SCTR: variants seen among roughly 807,000 people sequenced by gnomAD.
The protein encoded by SCTR is secretin receptor.
Under a neutral mutation model 60.8 loss-of-function variants are expected in SCTR, and 56 were observed. That is an observed-to-expected ratio of 0.92 (90% CI 0.74 to 1.15). The LOEUF is 1.15. SCTR is among the 50% of genes most tolerant of loss of function. SCTR has a pLI of 0.00. For missense variants in SCTR, 562 were observed against 550.4 expected, an observed-to-expected ratio of 1.02 and a Z score of -0.21; for synonymous variants, 202 against 217.0, an observed-to-expected ratio of 0.93 and a Z score of 0.61.
In SCTR at chr2:119,450,125, AAAGG is replaced by A. The variant is rs1401212331; in HGVS notation, c.922-1349_922-1346del. Among the ~76,000 whole-genome samples, 40 of 149,668 alleles carry A rather than the reference AAAGG, an allele frequency of 2.7e-4. No individual in the cohort carries two copies. The South Asian group carries it at 2.7e-3, about 10-fold the overall frequency. On this transcript the variant is annotated intron_variant, in intron 9 of 12. Coordinates refer to ENST00000019103, the MANE Select transcript of SCTR (RefSeq NM_002980.3). ...AATAAATGGAGGGAGGGAAGGAAGG[AAAGG>A]AAGGAAGGAAGGAAGCAAGGAAGCA...
At chr2:119,457,821 C>T (rs962265561) in intron 7 of SCTR, among the ~76,000 whole-genome samples, 3 of 152,106 alleles carry the variant, frequency 2.0e-5, no homozygotes, top group Non-Finnish European at 4.4e-5. Flanking sequence ...TTTAGAAACA[C>T]GAGAGTAAAT....
At chr2:119,504,982 A>G (rs1335887557) in intron 1 of SCTR, among the ~76,000 whole-genome samples, 1 of 152,184 alleles carries the variant, frequency 6.6e-6, no homozygotes, top group Non-Finnish European at 1.5e-5. Context: ...ACAATGAGAT[A>G]CCATCTCACA....
intron 1 of SCTR, among the ~76,000 whole-genome samples, chr2:119,521,008 C>A (rs1385512940): frequency 6.6e-6 from 1 of 152,164 alleles, no homozygotes; most frequent in Non-Finnish European, 1.5e-5. Flanking sequence ...TTGGAGTGAT[C>A]ATGGGCTTCT....
intron 1 of SCTR, among the ~76,000 whole-genome samples, chr2:119,505,231 A>C (rs1678696037): frequency 6.7e-6 from 1 of 149,746 alleles, no homozygotes; most frequent in Non-Finnish European, 1.5e-5. Flanking sequence ...ACATGCACAC[A>C]TATGTTTATT....
At chr2:119,459,855 C>T (rs569373949) in intron 7 of SCTR, among the ~76,000 whole-genome samples, 10 of 152,110 alleles carry the variant, frequency 6.6e-5, no homozygotes, top group African/African-American at 2.2e-4. Flanking sequence ...GATGGGAAAA[C>T]GGTCCATGTT....
At chr2:119,446,718 A>G (rs377023066) in intron 11 of SCTR, 41 bp downstream of exon 11, 13 of 1,432,164 alleles carry the variant, frequency 9.1e-6, no homozygotes, top group Non-Finnish European at 1.2e-5. Context: ...GACACAGAGA[A>G]CTCCTCTTTT....
intron 1 of SCTR, among the ~76,000 whole-genome samples, chr2:119,509,741 C>T (rs187916172): frequency 6.6e-6 from 1 of 152,204 alleles, no homozygotes; most frequent in African/African-American, 2.4e-5. Flanking sequence ...TGTTGTGCAA[C>T]CATCCCCAGT....
intron 12 of SCTR, among the ~76,000 whole-genome samples, chr2:119,440,719 G>A (rs1009522510): frequency 6.6e-6 from 1 of 152,298 alleles, no homozygotes; most frequent in East Asian, 1.9e-4. Context: ...ACTCCACTCA[G>A]TGATGGGTCC....
intron 1 of SCTR, among the ~76,000 whole-genome samples, chr2:119,496,626 T>C (rs1391799390): frequency 6.6e-6 from 1 of 152,168 alleles, no homozygotes; most frequent in Non-Finnish European, 1.5e-5. Context: ...GACCCAGTGG[T>C]GAGTCCCACC....
chr2:119,462,817 T>C (rs60122406), intron 6 of SCTR, among the ~76,000 whole-genome samples: 7,906 of 152,290 alleles, frequency 0.052, 658 homozygotes, highest in African/African-American at 0.18. Context: ...GGTTCCTGCC[T>C]TATGGCCTTC....
chr2:119,524,106 G>C, intron 1 of SCTR, 49 bp downstream of exon 1: 4 of 1,459,220 alleles, frequency 2.7e-6, no homozygotes, highest in Non-Finnish European at 2.8e-6. Context: ...GAAAGGGCGA[G>C]ACTGTCGCTC....
At chr2:119,491,613 G>A (rs913250808) in intron 2 of SCTR, among the ~76,000 whole-genome samples, 2 of 152,238 alleles carry the variant, frequency 1.3e-5, no homozygotes, top group Middle Eastern at 3.4e-3. Context: ...CTGGGTTCAA[G>A]CGATCCTCCT....
rs1245728810 is a variant in SCTR, at chr2:119,446,867, A to G, written c.1032T>C (p.Thr344=). 1.3e-6 allele frequency: 2 copies of G among 1,560,778 alleles called. No homozygotes were observed. Among genetic ancestry groups the G allele is most frequent in the Non-Finnish European group, 8.7e-7 (1 of 1,152,294 alleles). ...TGCCAAAGAGGGGGATCAGCAGGAG[A>G]GTGGACCTGGCCAGGCGCCTGGGGA... is the stretch of plus-strand genomic sequence containing the variant. ...VSHYKRLARS[T]LLLIPLFGIH... Residue 344 remains threonine, a synonymous_variant, in exon 11 of 13, where the codon ACT becomes ACC. Transcript: ENST00000019103.
intron 1 of SCTR, among the ~76,000 whole-genome samples, chr2:119,518,624 AT>A (rs1679186688): frequency 6.6e-6 from 1 of 152,180 alleles, no homozygotes; most frequent in Non-Finnish European, 1.5e-5. Flanking sequence ...TCTGTTTGTA[AT>A]GTAAGCAAGT....
At chr2:119,482,905 A>T (rs941857477) in intron 2 of SCTR, among the ~76,000 whole-genome samples, 4 of 152,188 alleles carry the variant, frequency 2.6e-5, no homozygotes, top group Non-Finnish European at 5.9e-5. Context: ...TTGCAGCAGG[A>T]TGCCTCGTTT....
chr2:119,510,776 A>C (rs569247014), intron 1 of SCTR, among the ~76,000 whole-genome samples: 20 of 151,674 alleles, frequency 1.3e-4, no homozygotes, highest in South Asian at 1.0e-3. Context: ...CTTTTTTTTA[A>C]ATTTGTACTA....
rs1483584933 is a variant in SCTR, at chr2:119,478,854, C to T, written c.258G>A (p.Glu86=). 1 of 1,614,054 alleles carries T rather than the reference C, an allele frequency of 6.2e-7. No homozygotes were observed. Among genetic ancestry groups the T allele is most frequent in the East Asian group, 2.2e-5 (1 of 44,890 alleles). Residue 86 remains glutamate (E), a synonymous_variant, in exon 3 of 13, where the codon GAG becomes GAA. Coordinates refer to ENST00000019103, the MANE Select transcript of SCTR (RefSeq NM_002980.3). ...TCCGGAGGAATCTCGGGCATTCCAC[C>T]TCCACCATCCGGCCCGGCACAGAAG... ...WPSSVPGRMV[E]VECPRFLRML... is the part of the protein sequence containing the mutation.
intron 1 of SCTR, among the ~76,000 whole-genome samples, chr2:119,501,758 C>T (rs951099516): frequency 2.6e-5 from 4 of 151,224 alleles, no homozygotes; most frequent in Non-Finnish European, 5.9e-5. Context: ...AACTATGATA[C>T]ACCAATCAAA....
At chr2:119,450,078 AAAAT>A (rs140544177) in intron 9 of SCTR, among the ~76,000 whole-genome samples, 104 of 145,184 alleles carry the variant, frequency 7.2e-4, no homozygotes, top group African/African-American at 2.1e-3. Context: ...GAAAGAAAGA[AAAAT>A]AAATAAATAA....
Sources: gnomAD v4.1 joint callset for allele counts (sites outside exome capture counted in the v4.1 genomes callset) on GRCh38, gnomAD v4.1.1 for gene constraint, MANE v1.5 for transcripts, NCBI Gene and HGNC (gene_info 2026-07-23, HGNC 2026-07-21) for gene names.